LIPE: variants seen among roughly 807,000 people sequenced by gnomAD.
LIPE encodes lipase E, hormone sensitive type.
A neutral mutation model predicts 88.5 loss-of-function variants in LIPE; 66 were observed. That is an observed-to-expected ratio of 0.75 (90% CI 0.61 to 0.91). The LOEUF (loss-of-function observed/expected upper bound fraction) is 0.91. LIPE is among the 40% of genes least tolerant of loss of function. The pLI is 0.00. For missense variants in LIPE, 1,346 were observed against 1,434.7 expected, an observed-to-expected ratio of 0.94 and a Z score of 1.00; for synonymous variants, 570 against 617.5, an observed-to-expected ratio of 0.92 and a Z score of 1.14.
chr19:42,402,169 C>T (rs1318110941), intron 9 of LIPE, 94 bp from the exon 10 acceptor site: 7 of 1,219,900 alleles, frequency 5.7e-6, no homozygotes, highest in Non-Finnish European at 7.6e-6. Context: ...ACAAAGGGAG[C>T]GGGAAATACG....
chr19:42,413,699 G>A (rs572172257), intron 1 of LIPE, among the ~76,000 whole-genome samples: 1 of 152,290 alleles, frequency 6.6e-6, no homozygotes, highest in African/African-American at 2.4e-5. Context: ...GCCTTGAAAG[G>A]GGCCTGTGTG....
In LIPE at chr19:42,422,730, T is replaced by C. The variant is rs2147670520; in HGVS notation, c.883+3537A>G. On this transcript the variant is annotated intron_variant, in intron 1 of 9. Transcript: ENST00000244289. Reference sequence around the variant, plus strand: ...TCCGCCTTTTGAGACCTGAAAATAATGTGACACCCTAGAGAAATGAGGCCT... The same window carrying C: ...TCCGCCTTTTGAGACCTGAAAATAACGTGACACCCTAGAGAAATGAGGCCT... Among the ~76,000 whole-genome samples, 2 of 152,256 alleles carry C rather than the reference T, an allele frequency of 1.3e-5. 1 individual carries two copies. The highest frequency in any genetic ancestry group is 2.9e-5 in the Non-Finnish European group (2 of 68,010).
chr19:42,412,516 G>A, intron 1 of LIPE: 1 of 985,796 alleles, frequency 1.0e-6, no homozygotes. Context: ...GATCAGTGAG[G>A]ACCACGTGCT....
rs1265652504 is a variant in LIPE at position 42,410,015 on chromosome 19, AAG to A, written c.1419+290_1419+291del. On this transcript the variant is annotated intron_variant, in intron 2 of 9. Coordinates refer to ENST00000244289, the MANE Select transcript of LIPE (RefSeq NM_005357.4). The surrounding 1 kb of genome is among the most constrained non-coding windows in gnomAD (Gnocchi z 6.1). ...GACTTCAGGGGCCAGACAGGTAACA[AAG>A]AGTGAATACATCTCTTGCATGTAGG... 6.6e-6 allele frequency among the ~76,000 whole-genome samples: 1 copy of A among 152,188 alleles called. No homozygotes were observed. The highest frequency in any genetic ancestry group is 2.4e-5 in the African/African-American group (1 of 41,438).
intron 1 of LIPE, chr19:42,424,575 C>T (rs1169171740): frequency 6.6e-6 from 3 of 456,244 alleles, no homozygotes; most frequent in Non-Finnish European, 1.3e-5. Flanking sequence ...GCATACCCAG[C>T]AGCCCCGGCG....
Position 42,416,967 on chromosome 19 carries a change from T to C in LIPE, c.884-6125A>G, listed in dbSNP as rs1482040141. On this transcript the variant is annotated intron_variant, in intron 1 of 9. Transcript: ENST00000244289. ...ACGGAGTCTCGCTCTGTCGCCCAGGTTGGAGTGCAGTGGCGCAATCTCAGC... is the reference window on the plus strand; with the variant it reads ...ACGGAGTCTCGCTCTGTCGCCCAGGCTGGAGTGCAGTGGCGCAATCTCAGC... Among the ~76,000 whole-genome samples the C allele has an allele frequency of 3.9e-5, 6 of 152,306 alleles. No homozygotes were observed. The Middle Eastern group carries it at 0.014, about 345-fold the overall frequency.
rs1169809338 is a variant in LIPE at position 42,427,173 on chromosome 19, T to C, written c.-24A>G. The C allele has an allele frequency of 2.6e-6, 4 of 1,563,774 alleles. No individual in the cohort carries two copies. The highest frequency in any genetic ancestry group is 1.4e-5 in the African/African-American group (1 of 72,542). On this transcript the variant is annotated 5_prime_UTR_variant, in exon 1 of 10. Coordinates refer to ENST00000244289, the MANE Select transcript of LIPE (RefSeq NM_005357.4). Reference sequence around the variant, plus strand: ...ATTGTTATTTCCCTCACGGGAGATATTGATCTTCCAGGTTCTATCCTTCTG... The same window carrying C: ...ATTGTTATTTCCCTCACGGGAGATACTGATCTTCCAGGTTCTATCCTTCTG...
At chr19:42,411,944 G>A (rs1484913587) in intron 1 of LIPE, among the ~76,000 whole-genome samples, 2 of 152,230 alleles carry the variant, frequency 1.3e-5, no homozygotes, top group Non-Finnish European at 2.9e-5. Context: ...TTTTACAGGA[G>A]AGGAAACTGA....
rs2040355950 is a variant in LIPE at position 42,410,870 on chromosome 19, G to A, written c.884-28C>T. On this transcript the variant is annotated intron_variant, in intron 1 of 9. Transcript: ENST00000244289. This position sits in a 1 kb window ranked among gnomAD's most constrained non-coding sequence, Gnocchi z 6.1. ...GTGGGCAGGTGGGGAGGCCTGTTAG[G>A]TGGGGCTGGATCAAGCCTTGCTTAG... The A allele has an allele frequency of 3.9e-6, 6 of 1,524,420 alleles. No individual in the cohort carries two copies. Among genetic ancestry groups the A allele is most frequent in the Non-Finnish European group, 4.4e-6 (5 of 1,138,032 alleles). 94.4% of individuals were successfully genotyped at this position (1,524,420 alleles called of 1,614,324 possible). A position where few individuals can be genotyped will look rare whatever the true frequency, so the allele number is the denominator to read the frequency against.
In LIPE at chr19:42,410,403, G is replaced by T; in HGVS notation, c.1323C>A (p.Leu441=). ...TGAGCCCCTCGTCGCCCTCAAAGAA[G>T]AGTACCCCCGGCCGATTGGTAACCA... ...RLLVTNRPGV[L]FFEGDEGLTA... Residue 441 remains leucine (L), a synonymous_variant, in exon 2 of 10, where the codon CTC becomes CTA. Transcript: ENST00000244289. This position sits in a 1 kb window ranked among gnomAD's most constrained non-coding sequence, Gnocchi z 6.1. 1 of 1,614,208 alleles carries T rather than the reference G, an allele frequency of 6.2e-7. No individual in the cohort carries two copies.
At position 42,401,896 on chromosome 19, in the gene LIPE, G is replaced by C; in HGVS notation, c.3147C>G (p.Leu1049=). Residue 1049 remains leucine (L), a synonymous_variant, in exon 10 of 10, where the codon CTC becomes CTG. Transcript: ENST00000244289. ...CGGCTCCGGCGGGAGGAGTGAGGAC[G>C]AGGCGGATGCGCTCCACGCACAGCT... is the stretch of plus-strand genomic sequence containing the variant. ...AAELCVERIR[L]VLTPPAGAGP... The C allele has an allele frequency of 6.5e-7, 1 of 1,543,670 alleles. No individual in the cohort carries two copies. Among genetic ancestry groups the C allele is most frequent in the Non-Finnish European group, 8.7e-7 (1 of 1,150,938 alleles).
Position 42,406,479 on chromosome 19 carries a change from G to T in LIPE, c.2138-91C>A. 8.9e-7 allele frequency: 1 copy of T among 1,119,498 alleles called. No individual in the cohort carries two copies. The highest frequency in any genetic ancestry group is 1.4e-5 in the South Asian group (1 of 72,398). The allele number at this position is 1,119,498 out of a possible 1,614,324, so 69.3% of individuals were successfully genotyped here. On this transcript the variant is annotated intron_variant, in intron 6 of 9. Coordinates refer to ENST00000244289, the MANE Select transcript of LIPE (RefSeq NM_005357.4). The surrounding 1 kb of genome is among the most constrained non-coding windows in gnomAD (Gnocchi z 5.7). ...GAGGAACTCAAGCTGGGAGAACTGG[G>T]CTCTCCAAGGTGGGGTGTGGGGCAC...
chr19:42,415,508 A>G (rs1443915730), intron 1 of LIPE, among the ~76,000 whole-genome samples: 6 of 151,898 alleles, frequency 4.0e-5, no homozygotes, highest in African/African-American at 1.2e-4. Flanking sequence ...CACATGAATG[A>G]TAAGAAAGTG....
chr19:42,426,533 A>C lies in LIPE; in HGVS notation c.617T>G (p.Phe206Cys). Residue 206 changes from phenylalanine to cysteine, a missense_variant, in exon 1 of 10, where the codon TTT (phenylalanine) becomes TGT (cysteine). Transcript: ENST00000244289. ...GGATAGTTCCTGAAGTTTTGTTAGA[A>C]ATCCCAGCTCTGTCAAAGATCCCTG... ...SKQGSLTELG[F>C]LTKLQELSIQ... The C allele has an allele frequency of 3.1e-6, 5 of 1,614,152 alleles. No individual in the cohort carries two copies. The highest frequency in any genetic ancestry group is 4.2e-6 in the Non-Finnish European group (5 of 1,180,024).
rs1219936976 is a variant in LIPE at position 42,402,612 on chromosome 19, T to C, written c.2962A>G (p.Ile988Val). The change falls in exon 9 of 10, where the codon ATC becomes GTC. Residue 988 changes from isoleucine (I) to valine (V), a missense_variant. By Grantham distance (29) the Ile-to-Val change is conservative. Coordinates refer to ENST00000244289, the MANE Select transcript of LIPE (RefSeq NM_005357.4). ...CGGCCCCCTCTGTCGCTCACCACGA[T>C]GTGCACAGGTGGCAGGCTCTTGAGC... is the stretch of plus-strand genomic sequence containing the variant. The part of the protein sequence containing the change: ...SMLKSLPPVH[I>V]VACALDPMLD... The C allele has an allele frequency of 6.7e-7, 1 of 1,485,184 alleles. No homozygotes were observed. The highest frequency in any genetic ancestry group is 1.4e-5 in the African/African-American group (1 of 70,908). The allele number at this position is 1,485,184 out of a possible 1,614,324, so 92.0% of individuals were successfully genotyped here. A position where few individuals can be genotyped will look rare whatever the true frequency, so the allele number is the denominator to read the frequency against.
intron 1 of LIPE, among the ~76,000 whole-genome samples, chr19:42,422,409 G>A (rs1283729485): frequency 6.6e-6 from 1 of 152,230 alleles, no homozygotes; most frequent in Non-Finnish European, 1.5e-5. Flanking sequence ...ATACTGGTGT[G>A]AGGCTCAGTG....
chr19:42,422,695 C>T (rs2147670430), intron 1 of LIPE, among the ~76,000 whole-genome samples: 2 of 152,292 alleles, frequency 1.3e-5, no homozygotes, highest in East Asian at 3.9e-4. Context: ...GTTGGTCTGT[C>T]AGCCTTTGTT....
chr19:42,427,101 G>T lies in LIPE; in HGVS notation c.49C>A (p.Pro17Thr), dbSNP rs1275555937. 6.2e-7 allele frequency: 1 copy of T among 1,612,094 alleles called. No homozygotes were observed. The highest frequency in any genetic ancestry group is 1.7e-5 in the Admixed American group (1 of 59,342). Residue 17 changes from proline (P) to threonine (T), a missense_variant, in exon 1 of 10, where the codon CCA becomes ACA. Transcript: ENST00000244289. The stretch of plus-strand genomic sequence containing the variant: ...AGCGGGGTTATAGGCCTCTGGTGTG[G>T]TTCAGGTTGCCAGTCTGACCTAGAC... Reference protein sequence around the residue: ...SVSRSDWQPEPHQRPITPLEP... With the variant: ...SVSRSDWQPETHQRPITPLEP...
chr19:42,407,368 A>ACTATCAGGGACCGCGAC lies in LIPE; in HGVS notation c.1942_1943insGTCGCGGTCCCTGATAG (p.Val648GlyfsTer5). 4 of 1,613,476 alleles carry ACTATCAGGGACCGCGAC rather than the reference A, an allele frequency of 2.5e-6. No homozygotes were observed. The highest frequency in any genetic ancestry group is 3.4e-6 in the Non-Finnish European group (4 of 1,179,782). On this transcript the variant is annotated stop_gained and frameshift_variant, in exon 6 of 10. Coordinates refer to ENST00000244289, the MANE Select transcript of LIPE (RefSeq NM_005357.4). LOFTEE classifies it high-confidence loss of function. The surrounding 1 kb of genome is among the most constrained non-coding windows in gnomAD (Gnocchi z 5.8). Reference sequence around the variant, plus strand: ...CACAAAGCCACCGCCGTGGAAGTGCACTATCAGGGACCGCGAGCGGGGTGC... The same window carrying ACTATCAGGGACCGCGAC: ...CACAAAGCCACCGCCGTGGAAGTGCACTATCAGGGACCGCGACCTATCAGGGACCGCGAGCGGGGTGC...
Sources: allele counts gnomAD v4.1 joint callset (sites outside exome capture counted in the v4.1 genomes callset), GRCh38; gene constraint gnomAD v4.1.1; non-coding constraint Gnocchi (gnomAD v3.1); transcripts MANE v1.5; gene names NCBI Gene and HGNC (gene_info 2026-07-23, HGNC 2026-07-21).